Variants in TNXB observed in about 807,000 individuals in gnomAD.
TNXB encodes tenascin XB.
Under a neutral mutation model 340.5 loss-of-function variants are expected in TNXB, and 183 were observed. The observed-to-expected ratio is 0.54, with a 90% CI of 0.48 to 0.61. The LOEUF (loss-of-function observed/expected upper bound fraction) is 0.61, where lower values mean the gene tolerates loss of function less well. Among genes scored for constraint, TNXB ranks in the 20% least tolerant of loss-of-function variants. TNXB has a pLI of 0.00. For synonymous variants in TNXB, 2,121 were observed against 2,314.5 expected (o/e 0.92, Z 2.40); for missense variants, 4,613 against 5,446.4 (o/e 0.85, Z 4.82).
At position 32,048,654 on chromosome 6, in the gene TNXB, A is replaced by G; in HGVS notation, c.9758-4T>C. ...GGCAGTGGTGTGGGCAGGGGCGCTG[A>G]AAAGAGCAGAGCAGGCCCATGGGTC... On this transcript the variant is annotated splice_region_variant and splice_polypyrimidine_tract_variant and intron_variant, in intron 28 of 43. Coordinates refer to ENST00000644971, the MANE Select transcript of TNXB (RefSeq NM_001365276.2). 1 of 1,464,194 alleles carries G rather than the reference A, an allele frequency of 6.8e-7. No homozygotes were observed. The highest frequency in any genetic ancestry group is 9.1e-7 in the Non-Finnish European group (1 of 1,102,056). 90.7% of individuals were successfully genotyped at this position (1,464,194 alleles called of 1,614,324 possible). A position where few individuals can be genotyped will look rare whatever the true frequency, so the allele number is the denominator to read the frequency against.
chr6:32,079,482 G>A lies in TNXB; in HGVS notation c.4043-117C>T. On this transcript the variant is annotated intron_variant, in intron 10 of 43. Transcript: ENST00000644971. The surrounding 1 kb of genome is among the most constrained non-coding windows in gnomAD (Gnocchi z 7.1). ...CAGGGGCTCTGTAGCCTTTGTATTTGCCATTCGGTCACTCACGGATGGAGA... is the reference window on the plus strand; with the variant it reads ...CAGGGGCTCTGTAGCCTTTGTATTTACCATTCGGTCACTCACGGATGGAGA... 2.3e-6 allele frequency: 2 copies of A among 870,450 alleles called. No homozygotes were observed. Among genetic ancestry groups the A allele is most frequent in the East Asian group, 5.3e-5 (2 of 37,454 alleles). 53.9% of individuals were successfully genotyped at this position (870,450 alleles called of 1,614,324 possible).
At chr6:32,104,786 C>G (rs1318541721) in intron 1 of TNXB, among the ~76,000 whole-genome samples, 1 of 152,146 alleles carries the variant, frequency 6.6e-6, no homozygotes, top group Non-Finnish European at 1.5e-5. Context: ...CAGGTGTGTG[C>G]CATCACGCTC....
chr6:32,085,170 C>T lies in TNXB; in HGVS notation c.3149-461G>A, dbSNP rs1261655803. ...AGAGGGGATGTGAAAGCCAGGTACCCCAGGACCTGTCTTTCACTGGTCCTG... is the reference window on the plus strand; with the variant it reads ...AGAGGGGATGTGAAAGCCAGGTACCTCAGGACCTGTCTTTCACTGGTCCTG... On this transcript the variant is annotated intron_variant, in intron 7 of 43. Transcript: ENST00000644971. The surrounding 1 kb of genome is among the most constrained non-coding windows in gnomAD (Gnocchi z 6.4). 3.9e-5 allele frequency among the ~76,000 whole-genome samples: 6 copies of T among 152,170 alleles called. No homozygotes were observed. The highest frequency in any genetic ancestry group is 6.5e-5 in the Admixed American group (1 of 15,284).
rs1400570402 is a variant in TNXB at position 32,084,621 on chromosome 6, G to A, written c.3237C>T (p.Leu1079=). The change falls in exon 8 of 44, where the codon CTC becomes CTT. Residue 1079 remains leucine (L), a synonymous_variant. Transcript: ENST00000644971. This position sits in a 1 kb window ranked among gnomAD's most constrained non-coding sequence, Gnocchi z 5.5. ...CGCCCTCGGGGACCGTCCAGCGCAG[G>A]AGCAAGGAGTCGGAGGTCCTGTCTG... is the stretch of plus-strand genomic sequence containing the variant. ...TVTDRTSDSL[L]LRWTVPEGEF... The A allele has an allele frequency of 1.2e-6, 2 of 1,603,964 alleles. No individual in the cohort carries two copies. Among genetic ancestry groups the A allele is most frequent in the Non-Finnish European group, 1.7e-6 (2 of 1,176,080 alleles).
At chr6:32,093,404 G>C (rs918864498) in intron 4 of TNXB, 11 of 702,192 alleles carry the variant, frequency 1.6e-5, no homozygotes, top group Non-Finnish European at 2.6e-5. Context: ...TGAGATTTCT[G>C]CTTCTGCTTT....
At chr6:32,048,141 A>C in intron 29 of TNXB, 129 bp from the exon 30 acceptor site, 1 of 1,248,192 alleles carries the variant, frequency 8.0e-7, no homozygotes. Flanking sequence ...GTAGGAATAA[A>C]AGAGGAGCCA....
In TNXB at chr6:32,052,844, A is replaced by G. The variant is rs1196455879; in HGVS notation, c.8941T>C (p.Ser2981Pro). 1 of 1,613,504 alleles carries G rather than the reference A, an allele frequency of 6.2e-7. No individual in the cohort carries two copies. Among genetic ancestry groups the G allele is most frequent in the Non-Finnish European group, 8.5e-7 (1 of 1,179,874 alleles). ...CTGTCCTTGTACTGCACAGTGAAGG[A>G]GTCGAAGCGGCCCTGGGGGATGGTC... ...SWTIPQGRFD[S>P]FTVQYKDRDG... Residue 2981 changes from serine (S) to proline (P), a missense_variant, in exon 26 of 44, where the codon TCC becomes CCC. This residue lies in a region of TNXB where 4,327 missense variants were observed against 4,859.4 expected (regional missense o/e 0.89). Transcript: ENST00000644971. This position sits in a 1 kb window ranked among gnomAD's most constrained non-coding sequence, Gnocchi z 4.7.
Position 32,046,599 on chromosome 6 carries a change from G to T in TNXB, c.10325-143C>A. On this transcript the variant is annotated intron_variant, in intron 30 of 43. Transcript: ENST00000644971. The surrounding 1 kb of genome is among the most constrained non-coding windows in gnomAD (Gnocchi z 6.9). ...GCTCCTTGAGGAGACACACAGGCCT[G>T]CTCCCGCCATGCCCCACAGGAATGA... The T allele has an allele frequency of 3.0e-6, 2 of 663,198 alleles. No homozygotes were observed. Among genetic ancestry groups the T allele is most frequent in the South Asian group, 3.1e-5 (1 of 32,728 alleles). The allele number at this position is 663,198 out of a possible 1,614,324, so 41.1% of individuals were successfully genotyped here. A position where few individuals can be genotyped will look rare whatever the true frequency, so the allele number is the denominator to read the frequency against.
chr6:32,078,066 A>C (rs1248163096), intron 11 of TNXB, among the ~76,000 whole-genome samples: 2 of 126,262 alleles, frequency 1.6e-5, no homozygotes. Context: ...AGAGAGACAG[A>C]AAGAAAGAGA....
At position 32,049,690 on chromosome 6, in the gene TNXB, C is replaced by T. The variant is rs578192768; in HGVS notation, c.9440-103G>A. 5.8e-5 allele frequency: 78 copies of T among 1,355,288 alleles called. No individual in the cohort carries two copies. Among genetic ancestry groups the T allele is most frequent in the African/African-American group, 3.8e-4 (26 of 68,918 alleles). The allele number at this position is 1,355,288 out of a possible 1,614,324, so 84.0% of individuals were successfully genotyped here. A position where few individuals can be genotyped will look rare whatever the true frequency, so the allele number is the denominator to read the frequency against. ...ATGACTGGGGGACCTGAGGTCATTT[C>T]AGAGAAGTCCATTCTTGGGGCTGGG... On this transcript the variant is annotated intron_variant, in intron 27 of 43. Coordinates refer to ENST00000644971, the MANE Select transcript of TNXB (RefSeq NM_001365276.2). This position sits in a 1 kb window ranked among gnomAD's most constrained non-coding sequence, Gnocchi z 4.5.
Position 32,096,239 on chromosome 6 carries a change from G to A in TNXB, c.1614C>T (p.Cys538=), listed in dbSNP as rs1290209839. The change falls in exon 3 of 44, where the codon TGC becomes TGT. Residue 538 remains cysteine, a synonymous_variant. Transcript: ENST00000644971. ...CPGDCRGHGL[C]EDGVCVCDAG... is the part of the protein sequence containing the mutation. ...CGTCACACACGCACACGCCATCCTC[G>A]CAAAGGCCGTGCCCACGGCAGTCCC... The A allele has an allele frequency of 2.6e-6, 4 of 1,568,612 alleles. No homozygotes were observed. Among genetic ancestry groups the A allele is most frequent in the Admixed American group, 3.7e-5 (2 of 53,718 alleles).
At chr6:32,095,002 T>C in intron 4 of TNXB, 74 bp downstream of exon 4, 3 of 1,246,992 alleles carry the variant, frequency 2.4e-6, no homozygotes, top group Non-Finnish European at 3.4e-6. Context: ...CACCTGGAAC[T>C]TCCTCCAGGA....
rs768863607 is a variant in TNXB, at chr6:32,053,513, C to T, written c.8666G>A (p.Arg2889Gln). 2.9e-5 allele frequency: 46 copies of T among 1,613,410 alleles called. No homozygotes were observed. The highest frequency in any genetic ancestry group is 6.7e-5 in the East Asian group (3 of 44,886). Residue 2889 changes from arginine (R) to glutamine (Q), a missense_variant, in exon 25 of 44, where the codon CGG becomes CAG. Coordinates refer to ENST00000644971, the MANE Select transcript of TNXB (RefSeq NM_001365276.2). ...GACCCCGTCCTCGTGCCCCGGCACC[C>T]GCACCACCTTGGGCTGCCCATCCCC... ...RNGDGQPKVV[R>Q]VPGHEDGVTI...
intron 1 of TNXB, among the ~76,000 whole-genome samples, chr6:32,098,451 T>C (rs1780539703): frequency 6.6e-6 from 1 of 150,430 alleles, no homozygotes; most frequent in South Asian, 2.2e-4. Flanking sequence ...TCCCCTACAC[T>C]GGTTTTTTTG....
rs1469454145 is a variant in TNXB, at chr6:32,087,067, A to T, written c.2780-949T>A. ...TGGATGCCAGGACCCTGGGGTGGGG[A>T]CGTCTTCTAGGGACAATGGACTCGT... On this transcript the variant is annotated intron_variant, in intron 6 of 43. Transcript: ENST00000644971. This position sits in a 1 kb window ranked among gnomAD's most constrained non-coding sequence, Gnocchi z 9.0. 3.3e-5 allele frequency among the ~76,000 whole-genome samples: 5 copies of T among 152,176 alleles called. No individual in the cohort carries two copies. Among genetic ancestry groups the T allele is most frequent in the Admixed American group, 2.6e-4 (4 of 15,286 alleles).
At position 32,069,924 on chromosome 6, in the gene TNXB, G is replaced by C. The variant is rs533134179; in HGVS notation, c.5279-63C>G. The C allele has an allele frequency of 2.2e-5, 32 of 1,485,416 alleles. No homozygotes were observed. The highest frequency in any genetic ancestry group is 1.8e-4 in the Middle Eastern group (1 of 5,612). The allele number at this position is 1,485,416 out of a possible 1,614,324, so 92.0% of individuals were successfully genotyped here. On this transcript the variant is annotated intron_variant, in intron 14 of 43. Transcript: ENST00000644971. The surrounding 1 kb of genome is among the most constrained non-coding windows in gnomAD (Gnocchi z 6.2). ...TTCTGGAAGACTGGGTGACCTCGACGGGCAGGATTGAGAGGTCTGGAGACA... is the reference window on the plus strand; with the variant it reads ...TTCTGGAAGACTGGGTGACCTCGACCGGCAGGATTGAGAGGTCTGGAGACA...
rs61740712 is a variant in TNXB, at chr6:32,053,578, G to C, written c.8601C>G (p.Pro2867=). ...CCAGGAAGTGGTCAAACTGGCCCTC[G>C]GGGACCATCCAGGACAGGCTGAGGG... ...PDSLSLSWMV[P]EGQFDHFLVQ... is the part of the protein sequence containing the mutation. Residue 2867 remains proline (P), a synonymous_variant, in exon 25 of 44, where the codon CCC becomes CCG. Transcript: ENST00000644971. 1.9e-6 allele frequency: 3 copies of C among 1,613,638 alleles called. No homozygotes were observed. The highest frequency in any genetic ancestry group is 3.3e-5 in the Admixed American group (2 of 60,024).
Position 32,064,978 on chromosome 6 carries a change from A to G in TNXB, c.6684T>C (p.Phe2228=), listed in dbSNP as rs752651618. ...CCTTGGGCTGCCCGTCCCCATTCTT[A>G]AACTGGACCAAGAAATGGTCAAACT... ...EGQFDHFLVQ[F]KNGDGQPKAV... is the part of the protein sequence containing the mutation. Residue 2228 remains phenylalanine, a synonymous_variant, in exon 19 of 44, where the codon TTT becomes TTC. Transcript: ENST00000644971. The surrounding 1 kb of genome is among the most constrained non-coding windows in gnomAD (Gnocchi z 5.3). The G allele has an allele frequency of 1.2e-6, 2 of 1,612,686 alleles. No homozygotes were observed. Among genetic ancestry groups the G allele is most frequent in the Non-Finnish European group, 1.7e-6 (2 of 1,179,786 alleles).
chr6:32,078,123 G>GAAAGAAAGAA (rs1554327424), intron 11 of TNXB, among the ~76,000 whole-genome samples: 16 of 142,628 alleles, frequency 1.1e-4, no homozygotes, highest in Admixed American at 2.1e-4. Flanking sequence ...AAGAAAGAAA[G>GAAAGAAAGAA]AAAGAAAGAA....
Sources: allele counts gnomAD v4.1 joint callset (sites outside exome capture counted in the v4.1 genomes callset), GRCh38; gene constraint gnomAD v4.1.1; regional missense constraint gnomAD v4.1.1; non-coding constraint Gnocchi (gnomAD v3.1); transcripts MANE v1.5; gene names NCBI Gene and HGNC (gene_info 2026-07-23, HGNC 2026-07-21).